The following MAPKAPK5 variants were observed in gnomAD, a reference collection of about 807,000 sequenced individuals.
MAPKAPK5 encodes the protein MAPK activated protein kinase 5, also known as MAP kinase-activated protein kinase 5.
Under a neutral mutation model 65.1 loss-of-function variants are expected in MAPKAPK5, and 30 were observed. The ratio of observed to expected loss-of-function variants is 0.46; its 90% confidence interval spans 0.34 to 0.63. MAPKAPK5 has a LOEUF of 0.63. Among genes scored for constraint, MAPKAPK5 ranks in the 20% least tolerant of loss-of-function variants. MAPKAPK5 has a pLI of 0.01. For missense variants in MAPKAPK5, 433 were observed against 581.4 expected, an observed-to-expected ratio of 0.74 and a Z score of 2.63; for synonymous variants, 179 against 204.6, an observed-to-expected ratio of 0.87 and a Z score of 1.07.
chr12:111,863,931 T>C (rs2069522219), intron 1 of MAPKAPK5, among the ~76,000 whole-genome samples: 1 of 152,042 alleles, frequency 6.6e-6, no homozygotes, highest in Non-Finnish European at 1.5e-5. Context: ...AGGTCTGCAG[T>C]TGGTTTCCTA....
chr12:111,845,658 A>G (rs1187811656), intron 1 of MAPKAPK5, among the ~76,000 whole-genome samples: 3 of 152,174 alleles, frequency 2.0e-5, no homozygotes, highest in Non-Finnish European at 4.4e-5. Context: ...ACGGTGGCTC[A>G]CACCTGTAAT....
chr12:111,892,939 A>ACTGACCTTGTTCTTTTTTTG (rs1234398688), intron 13 of MAPKAPK5, 28 bp from the exon 14 acceptor site: 1 of 1,511,486 alleles, frequency 6.6e-7, no homozygotes, highest in South Asian at 1.2e-5. Context: ...GAATTTGAGG[A>ACTGACCTTGTTCTTTTTTTG]CTGACCTTGT....
At chr12:111,882,132 G>A (rs568823792) in intron 8 of MAPKAPK5, among the ~76,000 whole-genome samples, 1 of 152,342 alleles carries the variant, frequency 6.6e-6, no homozygotes, top group East Asian at 1.9e-4. Context: ...TGTAATCCCA[G>A]CACTTTGGGA....
At chr12:111,853,902 T>G (rs953307077) in intron 1 of MAPKAPK5, among the ~76,000 whole-genome samples, 32 of 152,180 alleles carry the variant, frequency 2.1e-4, no homozygotes, top group African/African-American at 6.8e-4. Flanking sequence ...TCTATTGAGT[T>G]AATTATGTGG....
At chr12:111,881,353 CG>C (rs1242473350) in intron 8 of MAPKAPK5, among the ~76,000 whole-genome samples, 1 of 149,014 alleles carries the variant, frequency 6.7e-6, no homozygotes, top group Non-Finnish European at 1.5e-5. Flanking sequence ...GGATTACAGG[CG>C]TGAGCCACCG....
intron 7 of MAPKAPK5, among the ~76,000 whole-genome samples, chr12:111,872,214 T>C (rs2069806465): frequency 6.6e-6 from 1 of 152,230 alleles, no homozygotes; most frequent in Admixed American, 6.5e-5. Context: ...TACCATTTTA[T>C]GCGTCTACCA....
At chr12:111,846,042 A>AT (rs1186884376) in intron 1 of MAPKAPK5, among the ~76,000 whole-genome samples, 1 of 152,132 alleles carries the variant, frequency 6.6e-6, no homozygotes, top group African/African-American at 2.4e-5. Flanking sequence ...TTTTCTTAAA[A>AT]TTTTTTTAGC....
chr12:111,871,592 G>A (rs1004547294), intron 7 of MAPKAPK5, among the ~76,000 whole-genome samples: 3 of 152,118 alleles, frequency 2.0e-5, no homozygotes, highest in Non-Finnish European at 4.4e-5. Context: ...GCAAGGAGCC[G>A]AGATGGCACC....
chr12:111,843,096 C>T, intron 1 of MAPKAPK5: 1 of 398,678 alleles, frequency 2.5e-6, no homozygotes, highest in Non-Finnish European at 4.4e-6. Context: ...TTCGATCACT[C>T]CCCAAGGCCG....
rs76106580 is a variant in MAPKAPK5 at position 111,884,066 on chromosome 12, T to C, written c.848+298T>C. Among the ~76,000 whole-genome samples the C allele has an allele frequency of 1.4e-4, 21 of 152,326 alleles. 1 individual carries two copies. In the East Asian group the frequency reaches 4.1e-3, roughly 29 times the overall value. ...ACCCTAAATTATAGACCTGGTGTGC[T>C]GTCCTTCTTACCTGTGAGCTGGCAT... On this transcript the variant is annotated intron_variant, in intron 9 of 13. Coordinates refer to ENST00000550735, the MANE Select transcript of MAPKAPK5 (RefSeq NM_003668.4).
Position 111,895,474 on chromosome 12 carries a change from T to C in MAPKAPK5, c.*2413T>C, listed in dbSNP as rs1442610805. ...TGAGATAAAGTTCACTAATCTTAGG[T>C]GACTGATAACTGTTATAAATGGATT... On this transcript the variant is annotated 3_prime_UTR_variant, in exon 14 of 14. Transcript: ENST00000550735. 6.6e-6 allele frequency: 1 copy of C among 151,660 alleles called. No individual in the cohort carries two copies. Among genetic ancestry groups the C allele is most frequent in the Non-Finnish European group, 1.5e-5 (1 of 67,950 alleles). 9.4% of individuals were successfully genotyped at this position (151,660 alleles called of 1,614,324 possible).
intron 10 of MAPKAPK5, among the ~76,000 whole-genome samples, chr12:111,886,269 A>AT (rs1325098435): frequency 6.6e-6 from 1 of 152,234 alleles, no homozygotes; most frequent in Non-Finnish European, 1.5e-5. Context: ...AATAGCCTCC[A>AT]TATTTCTGCT....
At chr12:111,850,570 G>A (rs921501565) in intron 1 of MAPKAPK5, among the ~76,000 whole-genome samples, 1 of 152,116 alleles carries the variant, frequency 6.6e-6, no homozygotes, top group East Asian at 1.9e-4. Context: ...ACCAAGAGGC[G>A]GCAAACAAGT....
intron 1 of MAPKAPK5, among the ~76,000 whole-genome samples, chr12:111,858,959 T>A (rs973412944): frequency 2.0e-5 from 3 of 148,060 alleles, no homozygotes; most frequent in Non-Finnish European, 3.0e-5. Flanking sequence ...TTTATCATTA[T>A]TTTTTACTTC....
chr12:111,893,207 A>C lies in MAPKAPK5; in HGVS notation c.*146A>C, dbSNP rs2070687792. On this transcript the variant is annotated 3_prime_UTR_variant, in exon 14 of 14. Transcript: ENST00000550735. ...GATTTAGGGTGCAGGACTTAATAAT[A>C]GTATAGTTATTGTTTGTTTTTAAGA... is the stretch of plus-strand genomic sequence containing the variant. 5 of 497,702 alleles carry C rather than the reference A, an allele frequency of 1.0e-5. No homozygotes were observed. The South Asian group carries it at 1.5e-4, about 15-fold the overall frequency. The allele number at this position is 497,702 out of a possible 1,614,324, so 30.8% of individuals were successfully genotyped here. A position where few individuals can be genotyped will look rare whatever the true frequency, so the allele number is the denominator to read the frequency against.
chr12:111,852,899 G>A (rs2069129008), intron 1 of MAPKAPK5, among the ~76,000 whole-genome samples: 1 of 152,010 alleles, frequency 6.6e-6, no homozygotes, highest in South Asian at 2.1e-4. Flanking sequence ...TCAGCCTCCT[G>A]AGTAGCTGGG....
At chr12:111,882,747 A>G in intron 8 of MAPKAPK5, 3 of 948,944 alleles carry the variant, frequency 3.2e-6, no homozygotes, top group Non-Finnish European at 3.8e-6. Flanking sequence ...TGAGTCCTTC[A>G]TGGTCAAAGG....
intron 7 of MAPKAPK5, among the ~76,000 whole-genome samples, chr12:111,876,788 C>T (rs1227887269): frequency 1.3e-5 from 2 of 151,686 alleles, no homozygotes; most frequent in Non-Finnish European, 2.9e-5. Flanking sequence ...TCCCTTCTTC[C>T]CTTCTGATAT....
chr12:111,850,153 C>T (rs1395201970), intron 1 of MAPKAPK5, among the ~76,000 whole-genome samples: 1 of 152,108 alleles, frequency 6.6e-6, no homozygotes, highest in East Asian at 1.9e-4. Context: ...CTTAGCCTCC[C>T]AAGTAGCTGG....
Sources: allele counts gnomAD v4.1 joint callset (sites outside exome capture counted in the v4.1 genomes callset), GRCh38; gene constraint gnomAD v4.1.1; transcripts MANE v1.5; gene names NCBI Gene and HGNC (gene_info 2026-07-23, HGNC 2026-07-21).